VGLL4: variants seen among roughly 807,000 people sequenced by gnomAD.
The protein encoded by VGLL4 is vestigial like family member 4, also known as transcription cofactor vestigial-like protein 4.
Under a neutral mutation model 21.0 loss-of-function variants are expected in VGLL4, and 7 were observed. The observed-to-expected ratio is 0.33, with a 90% CI of 0.19 to 0.63. The LOEUF is 0.63. Among genes scored for constraint, VGLL4 ranks in the 20% least tolerant of loss-of-function variants. The pLI is 0.78. For missense variants in VGLL4, 394 were observed against 425.7 expected (o/e 0.93, Z 0.66); for synonymous variants, 222 against 173.2 (o/e 1.28, Z -2.21).
chr3:11,721,066 G>A (rs2076989523), upstream of VGLL4: 2 of 152,308 alleles, frequency 1.3e-5, no homozygotes, highest in Admixed American at 6.5e-5. Flanking sequence ...AAGGCTTCAT[G>A]TTGCTTGCCT....
At chr3:11,640,265 C>T (rs1369000775) in intron 1 of VGLL4, among the ~76,000 whole-genome samples, 1 of 152,114 alleles carries the variant, frequency 6.6e-6, no homozygotes, top group Non-Finnish European at 1.5e-5. Flanking sequence ...GCAGCGGTCA[C>T]CAAGACAGAA....
In VGLL4 at chr3:11,559,528, G is replaced by A. The variant is rs2072774008; in HGVS notation, c.496-73C>T. The stretch of plus-strand genomic sequence containing the variant: ...GGCACCACCCCTGGGGCCCTCCCCA[G>A]CACCCTTCAGGCTCTGTCCTGGTGC... On this transcript the variant is annotated intron_variant, in intron 3 of 4. Coordinates refer to ENST00000430365, the MANE Select transcript of VGLL4 (RefSeq NM_001128219.3). 11 of 1,461,018 alleles carry A rather than the reference G, an allele frequency of 7.5e-6. No individual in the cohort carries two copies. In the South Asian group the frequency reaches 1.3e-4, roughly 17 times the overall value. The allele number at this position is 1,461,018 out of a possible 1,614,324, so 90.5% of individuals were successfully genotyped here.
At chr3:11,698,958 C>T (rs2076642628) in intron 2 of VGLL4, among the ~76,000 whole-genome samples, 2 of 152,144 alleles carry the variant, frequency 1.3e-5, no homozygotes, top group African/African-American at 2.4e-5. Context: ...AAAAGAGAAT[C>T]ATTTAGGTCA....
In VGLL4 at chr3:11,611,301, G is replaced by A. The variant is rs552803205; in HGVS notation, c.83-9279C>T. Among the ~76,000 whole-genome samples, 4 of 152,288 alleles carry A rather than the reference G, an allele frequency of 2.6e-5. No individual in the cohort carries two copies. In the East Asian group the frequency reaches 7.7e-4, roughly 29 times the overall value. ...TGAAATGAGGTCATTAATCCAATCTGACTGTTGTCCCTATAACAAGAGATT... is the reference window on the plus strand; with the variant it reads ...TGAAATGAGGTCATTAATCCAATCTAACTGTTGTCCCTATAACAAGAGATT... On this transcript the variant is annotated intron_variant, in intron 1 of 4. Coordinates refer to ENST00000430365, the MANE Select transcript of VGLL4 (RefSeq NM_001128219.3).
intron 2 of VGLL4, among the ~76,000 whole-genome samples, chr3:11,571,036 T>C (rs1306650980): frequency 2.0e-5 from 3 of 152,162 alleles, no homozygotes; most frequent in African/African-American, 4.8e-5. Context: ...GTGAAGACGA[T>C]GTTTGCCGAG....
At chr3:11,680,775 T>C (rs766782822) in intron 2 of VGLL4, among the ~76,000 whole-genome samples, 1 of 152,216 alleles carries the variant, frequency 6.6e-6, no homozygotes, top group Non-Finnish European at 1.5e-5. Context: ...ATCCCATCTC[T>C]GCCACCGACT....
At chr3:11,630,121 C>G (rs1341384485) in intron 1 of VGLL4, among the ~76,000 whole-genome samples, 5 of 152,268 alleles carry the variant, frequency 3.3e-5, no homozygotes. Flanking sequence ...CTACCTCTGC[C>G]ATGAAATTAG....
intron 1 of VGLL4, among the ~76,000 whole-genome samples, chr3:11,628,593 G>C (rs1054609449): frequency 6.6e-6 from 1 of 151,934 alleles, no homozygotes; most frequent in Non-Finnish European, 1.5e-5. Context: ...GGCCAAGGCG[G>C]GCGGATCACG....
At chr3:11,562,433 CAGCATGCGTCCTGCCTGCCTGTGG>C (rs2073105489) in intron 3 of VGLL4, among the ~76,000 whole-genome samples, 1 of 152,216 alleles carries the variant, frequency 6.6e-6, no homozygotes, top group Non-Finnish European at 1.5e-5. Context: ...CACAGGGCTG[CAGCATGCGTCCTGCCTGCCTGTGG>C]ACACAGAGCT....
chr3:11,575,016 T>C (rs2073994702), intron 2 of VGLL4, among the ~76,000 whole-genome samples: 1 of 152,128 alleles, frequency 6.6e-6, no homozygotes, highest in Non-Finnish European at 1.5e-5. Flanking sequence ...GCAGATCTTT[T>C]CATTACTCCT....
intron 2 of VGLL4, among the ~76,000 whole-genome samples, chr3:11,572,452 G>A (rs533346098): frequency 7.9e-5 from 12 of 152,198 alleles, no homozygotes; most frequent in South Asian, 6.2e-4. Context: ...TATTTGCTTC[G>A]GGCCTTTTCT....
At chr3:11,704,695 C>T (rs1327116495) in intron 1 of VGLL4, among the ~76,000 whole-genome samples, 1 of 152,180 alleles carries the variant, frequency 6.6e-6, no homozygotes, top group Admixed American at 6.5e-5. Flanking sequence ...AGCTAAGCAG[C>T]GTATTTTCCT....
rs149016015 is a variant in VGLL4, at chr3:11,564,550, C to T, written c.495+247G>A. On this transcript the variant is annotated intron_variant, in intron 3 of 4. Coordinates refer to ENST00000430365, the MANE Select transcript of VGLL4 (RefSeq NM_001128219.3). ...CAGTGACATTCACCTTGCCCAAGGC[C>T]GTGAGTGCTAAGAGGCAAGGCCCGG... 4.1e-3 allele frequency among the ~76,000 whole-genome samples: 625 copies of T among 152,274 alleles called. 4 individuals carry two copies. The highest frequency in any genetic ancestry group is 0.014 in the African/African-American group (596 of 41,560).
At chr3:11,678,213 T>A (rs2076322059) in intron 2 of VGLL4, among the ~76,000 whole-genome samples, 1 of 151,892 alleles carries the variant, frequency 6.6e-6, no homozygotes, top group Admixed American at 6.6e-5. Context: ...CGCCACCACA[T>A]CTGGCTAATT....
At chr3:11,610,944 G>A (rs929724798) in intron 1 of VGLL4, among the ~76,000 whole-genome samples, 1 of 152,164 alleles carries the variant, frequency 6.6e-6, no homozygotes, top group Non-Finnish European at 1.5e-5. Context: ...TTGCAGCCGG[G>A]GAAACTAGTG....
At chr3:11,577,609 C>T (rs1559874335) in intron 2 of VGLL4, among the ~76,000 whole-genome samples, 1 of 152,114 alleles carries the variant, frequency 6.6e-6, no homozygotes. Context: ...AAACTGTACA[C>T]TGGAAAGATT....
At chr3:11,629,429 G>A (rs780602224) in intron 1 of VGLL4, among the ~76,000 whole-genome samples, 25 of 151,514 alleles carry the variant, frequency 1.7e-4, no homozygotes, top group Non-Finnish European at 3.2e-4. Context: ...TTCATAAAAC[G>A]AGGTTGGGCC....
At chr3:11,578,975 C>A (rs2074144863) in intron 2 of VGLL4, among the ~76,000 whole-genome samples, 1 of 151,934 alleles carries the variant, frequency 6.6e-6, no homozygotes, top group Non-Finnish European at 1.5e-5. Flanking sequence ...GTCTCAATTT[C>A]CTGACCTCAT....
At chr3:11,582,890 G>C (rs2074270177) in intron 2 of VGLL4, among the ~76,000 whole-genome samples, 1 of 152,184 alleles carries the variant, frequency 6.6e-6, no homozygotes, top group Non-Finnish European at 1.5e-5. Context: ...CAGAACCCTA[G>C]GTGAGAGGCT....
Sources: allele counts gnomAD v4.1 joint callset (sites outside exome capture counted in the v4.1 genomes callset), GRCh38; gene constraint gnomAD v4.1.1; transcripts MANE v1.5; gene names NCBI Gene and HGNC (gene_info 2026-07-23, HGNC 2026-07-21).